NUP210: variants seen among roughly 807,000 people sequenced by gnomAD.
NUP210 encodes nucleoporin 210.
A neutral mutation model predicts 196.0 loss-of-function variants in NUP210; 151 were observed. The ratio of observed to expected loss-of-function variants is 0.77; its 90% CI spans 0.67 to 0.88. NUP210 has a LOEUF of 0.88. NUP210 is among the 40% of genes least tolerant of loss of function. The pLI is 0.00. For missense variants in NUP210, 2,314 were observed against 2,493.7 expected, an observed-to-expected ratio of 0.93 and a Z score of 1.53; for synonymous variants, 1,070 against 1,052.7, an observed-to-expected ratio of 1.02 and a Z score of -0.32.
intron 5 of NUP210, among the ~76,000 whole-genome samples, chr3:13,388,026 C>A (rs1181748893): frequency 6.6e-6 from 1 of 152,130 alleles, no homozygotes; most frequent in Non-Finnish European, 1.5e-5. Context: ...TTACTGGAAA[C>A]CTCCTGCTCT....
rs756629383 is a variant in NUP210, at chr3:13,319,835, G to T, written c.5311C>A (p.Pro1771Thr). Residue 1771 changes from proline to threonine, a missense_variant, in exon 37 of 40, where the codon CCC (proline) becomes ACC (threonine). By Grantham distance (38) the Pro-to-Thr change is conservative. Coordinates refer to ENST00000254508, the MANE Select transcript of NUP210 (RefSeq NM_024923.4). ...ATGGCAATGGCTTGGTTGGTCACGG[G>T]GCTGGAGAAGGTCAGGGTAGTGGAC... ...PLSTTLTFSS[P>T]VTNQAIAIPV... is the part of the protein sequence containing the mutation. The T allele has an allele frequency of 3.7e-6, 6 of 1,614,220 alleles. No homozygotes were observed. The South Asian group carries it at 5.5e-5, about 15-fold the overall frequency.
intron 28 of NUP210, among the ~76,000 whole-genome samples, chr3:13,334,517 C>A (rs545740543): frequency 6.6e-6 from 1 of 152,130 alleles, no homozygotes; most frequent in East Asian, 1.9e-4. Context: ...TGCTTCTTTG[C>A]CCCTGATCAG....
chr3:13,398,908 T>C (rs1699749261), intron 2 of NUP210, among the ~76,000 whole-genome samples: 1 of 152,182 alleles, frequency 6.6e-6, no homozygotes, highest in African/African-American at 2.4e-5. Context: ...CATTTCAGCC[T>C]GGGTGACAGA....
At chr3:13,384,715 G>T (rs1699217351) in intron 6 of NUP210, among the ~76,000 whole-genome samples, 1 of 152,240 alleles carries the variant, frequency 6.6e-6, no homozygotes, top group Non-Finnish European at 1.5e-5. Context: ...TTCTTGATCA[G>T]TGTTCATGGA....
rs973664341 is a variant in NUP210 at position 13,316,706 on chromosome 3, G to T, written c.*975C>A. 6.6e-6 allele frequency: 1 copy of T among 152,302 alleles called. No homozygotes were observed. Among genetic ancestry groups the T allele is most frequent in the East Asian group, 1.9e-4 (1 of 5,194 alleles). The allele number at this position is 152,302 out of a possible 1,614,324, so 9.4% of individuals were successfully genotyped here. A position where few individuals can be genotyped will look rare whatever the true frequency, so the allele number is the denominator to read the frequency against. ...CTGTCTGGGGCCCTGCGCCTGATGA[G>T]CTGCCATGAAAGTGGCCGCCTCTCA... is the stretch of plus-strand genomic sequence containing the variant. On this transcript the variant is annotated 3_prime_UTR_variant, in exon 40 of 40. Coordinates refer to ENST00000254508, the MANE Select transcript of NUP210 (RefSeq NM_024923.4).
chr3:13,319,101 G>T lies in NUP210; in HGVS notation c.5534C>A (p.Pro1845His). The T allele has an allele frequency of 6.2e-7, 1 of 1,607,844 alleles. No individual in the cohort carries two copies. Residue 1845 changes from proline to histidine, a missense_variant, in exon 39 of 40, where the codon CCT (proline) becomes CAT (histidine). Transcript: ENST00000254508. ...GGGGCTGTGTCCAGGGCTGGCTCGAGGCGTGAGGGCTGCAGGCACAGCAAG... is the reference window on the plus strand; with the variant it reads ...GGGGCTGTGTCCAGGGCTGGCTCGATGCGTGAGGGCTGCAGGCACAGCAAG... ...RDLAVPAALT[P>H]RASPGHSPHY...
chr3:13,319,474 G>T, intron 37 of NUP210, 149 bp from the exon 38 acceptor site: 1 of 726,514 alleles, frequency 1.4e-6, no homozygotes, highest in Non-Finnish European at 2.4e-6. Flanking sequence ...GCCACCTGCT[G>T]GAGGCCCGGG....
intron 3 of NUP210, among the ~76,000 whole-genome samples, chr3:13,395,519 T>C (rs772121187): frequency 1.3e-5 from 2 of 152,308 alleles, no homozygotes; most frequent in Non-Finnish European, 2.9e-5. Context: ...GGTTTCACCA[T>C]GTTGGCCAAG....
chr3:13,399,223 G>A (rs1282482768), intron 2 of NUP210, among the ~76,000 whole-genome samples: 2 of 135,524 alleles, frequency 1.5e-5, no homozygotes, highest in East Asian at 2.1e-4. Flanking sequence ...CCAAGATCGC[G>A]CCACTGCACT....
intron 1 of NUP210, among the ~76,000 whole-genome samples, chr3:13,419,074 C>A (rs1313269868): frequency 6.6e-6 from 1 of 151,508 alleles, no homozygotes; most frequent in African/African-American, 2.4e-5. Flanking sequence ...AATACTCAAA[C>A]AGGCTTGACA....
At chr3:13,373,171 G>A (rs546487466) in intron 12 of NUP210, among the ~76,000 whole-genome samples, 2 of 152,328 alleles carry the variant, frequency 1.3e-5, no homozygotes, top group East Asian at 3.9e-4. Flanking sequence ...AGTATGGCCT[G>A]GGGTCAGTGG....
In NUP210 at chr3:13,348,799, G is replaced by A. The variant is rs1053990662; in HGVS notation, c.2835+3080C>T. 1.0e-5 allele frequency: 10 copies of A among 985,276 alleles called. No individual in the cohort carries two copies. Among genetic ancestry groups the A allele is most frequent in the African/African-American group, 8.7e-5 (5 of 57,226 alleles). The allele number at this position is 985,276 out of a possible 1,614,324, so 61.0% of individuals were successfully genotyped here. ...TCCCTCCCCCTCCTTGAGGCACGGC[G>A]CTGAGAAAACATCCTCTTTGCAAGA... On this transcript the variant is annotated intron_variant, in intron 20 of 39. Transcript: ENST00000254508. This position sits in a 1 kb window ranked among gnomAD's most constrained non-coding sequence, Gnocchi z 4.0.
At chr3:13,327,883 C>T (rs1014017017) in intron 31 of NUP210, among the ~76,000 whole-genome samples, 2 of 152,328 alleles carry the variant, frequency 1.3e-5, no homozygotes, top group South Asian at 2.1e-4. Flanking sequence ...GTGACCGTGA[C>T]GCAGGCCTGG....
rs143453668 is a variant in NUP210, at chr3:13,356,146, C to A, written c.2329-2039G>T. On this transcript the variant is annotated intron_variant, in intron 16 of 39. Transcript: ENST00000254508. ...GCCCACCCACAGTGAGTGAGCCACA[C>A]GCTAGAGGACCTGCTCAGAGGGCCA... Among the ~76,000 whole-genome samples, 4 of 152,302 alleles carry A rather than the reference C, an allele frequency of 2.6e-5. No homozygotes were observed. The East Asian group carries it at 5.8e-4, about 22-fold the overall frequency.
chr3:13,364,051 G>A (rs1350994580), intron 14 of NUP210, among the ~76,000 whole-genome samples: 7 of 152,164 alleles, frequency 4.6e-5, no homozygotes, highest in Non-Finnish European at 2.9e-5. Context: ...GCAGTGCTGT[G>A]CTTGAGTTGG....
At chr3:13,325,454 C>T (rs113687874) in intron 33 of NUP210, among the ~76,000 whole-genome samples, 113 of 152,276 alleles carry the variant, frequency 7.4e-4, no homozygotes, top group African/African-American at 2.6e-3. Context: ...GTGACTTGCA[C>T]AGGGAGTCTT....
At position 13,375,561 on chromosome 3, in the gene NUP210, G is replaced by T; in HGVS notation, c.1374C>A (p.Pro458=). 1 of 1,614,100 alleles carries T rather than the reference G, an allele frequency of 6.2e-7. No homozygotes were observed. The highest frequency in any genetic ancestry group is 8.5e-7 in the Non-Finnish European group (1 of 1,179,982). ...VEIHIPITLY[P]SILTFPWQPK... ...GTTGCCACGGAAATGTCAAGATGCT[G>T]GGATACAGGGTGATCGGGATGTGAA... Residue 458 remains proline (P), a synonymous_variant, in exon 11 of 40, where the codon CCC becomes CCA. Transcript: ENST00000254508.
At chr3:13,343,142 C>A in intron 21 of NUP210, 33 bp downstream of exon 21, 1 of 1,612,176 alleles carries the variant, frequency 6.2e-7, no homozygotes, top group Non-Finnish European at 8.5e-7. Context: ...TGCAGGTCAG[C>A]CGAGGGTGCC....
intron 1 of NUP210, among the ~76,000 whole-genome samples, chr3:13,418,972 AAG>A (rs574796146): frequency 0.02 from 2,499 of 123,008 alleles, 136 homozygotes; most frequent in African/African-American, 0.073. Context: ...AAAAAAAAAA[AAG>A]AAAGAAAGAA....
Sources: allele counts gnomAD v4.1 joint callset (sites outside exome capture counted in the v4.1 genomes callset), GRCh38; gene constraint gnomAD v4.1.1; non-coding constraint Gnocchi (gnomAD v3.1); transcripts MANE v1.5; gene names NCBI Gene and HGNC (gene_info 2026-07-23, HGNC 2026-07-21).